WIPI2: variants seen among roughly 807,000 people sequenced by gnomAD.
WIPI2 encodes the protein WD repeat domain, phosphoinositide interacting 2.
A neutral mutation model predicts 52.3 loss-of-function variants in WIPI2; 28 were observed. That is an observed-to-expected ratio of 0.54 (90% CI 0.40 to 0.73). The LOEUF (loss-of-function observed/expected upper bound fraction) is 0.73, where lower values mean the gene tolerates loss of function less well. Ranked by LOEUF, WIPI2 falls within the 30% of genes least tolerant of loss-of-function variation. The pLI, the probability that WIPI2 is intolerant of heterozygous loss-of-function variation, is 0.00. For missense variants in WIPI2, 506 were observed against 602.9 expected (o/e 0.84, Z 1.68); for synonymous variants, 268 against 245.0 (o/e 1.09, Z -0.88).
rs758941327 is a variant in WIPI2 at position 5,216,557 on chromosome 7, G to T, written c.382-6G>T. 1.9e-6 allele frequency: 3 copies of T among 1,613,824 alleles called. No homozygotes were observed. The highest frequency in any genetic ancestry group is 1.1e-5 in the South Asian group (1 of 91,088). On this transcript the variant is annotated splice_region_variant and splice_polypyrimidine_tract_variant and intron_variant, in intron 4 of 12. Transcript: ENST00000288828. ...CACGTTTGGTTTCGTTTTGTCTCTC[G>T]CCTAGAGGCTGATAGTATGCCTGGA...
rs373561383 is a variant in WIPI2, at chr7:5,227,142, G to A, written c.849-38G>A. The stretch of plus-strand genomic sequence containing the variant: ...TAGGGGGTGGCCGTCCCCCCAGGGA[G>A]GGTGCAGCTTCATGTGTCTGGTGGC... On this transcript the variant is annotated intron_variant, in intron 9 of 12. Transcript: ENST00000288828. This position sits in a 1 kb window ranked among gnomAD's most constrained non-coding sequence, Gnocchi z 8.1. 1.2e-5 allele frequency: 19 copies of A among 1,611,842 alleles called. No individual in the cohort carries two copies. In the Middle Eastern group the frequency reaches 8.2e-4, roughly 70 times the overall value.
intron 8 of WIPI2, chr7:5,222,887 C>T (rs1783213294): frequency 6.2e-6 from 3 of 486,078 alleles, no homozygotes; most frequent in Non-Finnish European, 1.1e-5. Context: ...TGCGATCCCA[C>T]CAGCTAGCGT....
rs1027144811 is a variant in WIPI2, at chr7:5,198,563, C to G, written c.129-1013C>G. 4.6e-5 allele frequency among the ~76,000 whole-genome samples: 7 copies of G among 152,282 alleles called. No homozygotes were observed. The South Asian group carries it at 1.4e-3, about 32-fold the overall frequency. On this transcript the variant is annotated intron_variant, in intron 2 of 12. Transcript: ENST00000288828. Reference sequence around the variant, plus strand: ...TCCTGACCTCAAGTAATCTGCCCGCCTCAGCCTTCCAAAGTGCTGGGATTA... The same window carrying G: ...TCCTGACCTCAAGTAATCTGCCCGCGTCAGCCTTCCAAAGTGCTGGGATTA...
At chr7:5,202,742 A>G (rs928327347) in intron 3 of WIPI2, among the ~76,000 whole-genome samples, 1 of 152,098 alleles carries the variant, frequency 6.6e-6, no homozygotes, top group Non-Finnish European at 1.5e-5. Flanking sequence ...GGCCTCTCAT[A>G]TGATCATTTT....
intron 3 of WIPI2, among the ~76,000 whole-genome samples, chr7:5,211,395 C>T (rs913282108): frequency 6.6e-6 from 1 of 152,196 alleles, no homozygotes; most frequent in Admixed American, 6.5e-5. Context: ...TTGCTTGAAC[C>T]CGGAAGGCAG....
At chr7:5,211,496 A>G (rs1470265924) in intron 3 of WIPI2, among the ~76,000 whole-genome samples, 6 of 152,274 alleles carry the variant, frequency 3.9e-5, no homozygotes, top group African/African-American at 1.4e-4. Context: ...CCCACTTCGC[A>G]TGTGTCTACG....
At chr7:5,196,087 C>T (rs1487023476) in intron 2 of WIPI2, among the ~76,000 whole-genome samples, 1 of 151,544 alleles carries the variant, frequency 6.6e-6, no homozygotes. Context: ...CACCTGTAAT[C>T]CCAGCACTTT....
rs138529175 is a variant in WIPI2 at position 5,227,275 on chromosome 7, A to G, written c.944A>G (p.Asn315Ser). Residue 315 changes from asparagine to serine, a missense_variant, in exon 10 of 13, where the codon AAC becomes AGC. Asn to Ser is a conservative substitution (Grantham distance 46). Transcript: ENST00000288828. This position sits in a 1 kb window ranked among gnomAD's most constrained non-coding sequence, Gnocchi z 8.1. ...CCTTCCCAAGTGACAGAAATGTTCA[A>G]CCAGGGCAGAGCCTTCGCCACGGTC... ...YLPSQVTEMFNQGRAFATVRL... is the reference protein window; with the variant it reads ...YLPSQVTEMFSQGRAFATVRL... 246 of 1,613,722 alleles carry G rather than the reference A, an allele frequency of 1.5e-4. No individual in the cohort carries two copies. Among genetic ancestry groups the G allele is most frequent in the Non-Finnish European group, 2.0e-4 (235 of 1,180,034 alleles).
At chr7:5,210,259 T>A (rs1370025039) in intron 3 of WIPI2, among the ~76,000 whole-genome samples, 1 of 152,184 alleles carries the variant, frequency 6.6e-6, no homozygotes, top group Non-Finnish European at 1.5e-5. Context: ...CACTTCTCAT[T>A]CTCTTTCATG....
At chr7:5,217,720 G>T in intron 6 of WIPI2, 1 of 606,262 alleles carries the variant, frequency 1.6e-6, no homozygotes, top group East Asian at 2.8e-5. Context: ...AAAACCTTAG[G>T]GATAAATTGC....
intron 6 of WIPI2, chr7:5,217,552 C>T (rs186916571): frequency 2.0e-5 from 8 of 397,354 alleles, no homozygotes; most frequent in Non-Finnish European, 2.8e-5. Context: ...CCGCCTCGGC[C>T]CCCTAAAGTG....
chr7:5,191,590 A>G (rs1044006831), intron 1 of WIPI2, among the ~76,000 whole-genome samples: 1 of 152,246 alleles, frequency 6.6e-6, no homozygotes. Context: ...GGGATGGTTA[A>G]TAGATGAGCG....
chr7:5,224,035 C>T (rs1334125752), intron 8 of WIPI2, among the ~76,000 whole-genome samples: 1 of 152,258 alleles, frequency 6.6e-6, no homozygotes, highest in South Asian at 2.1e-4. Flanking sequence ...TCACACCCCA[C>T]CTGACATCTC....
In WIPI2 at chr7:5,190,249, C is replaced by T. The variant is rs914985189; in HGVS notation, c.-171C>T. On this transcript the variant is annotated 5_prime_UTR_variant, in exon 1 of 13. Transcript: ENST00000288828. ...CGCGCAGGCGTACCGGGTGCCCCGGCTCTGGAGCATAAACAAGAGCGGGGA... is the reference window on the plus strand; with the variant it reads ...CGCGCAGGCGTACCGGGTGCCCCGGTTCTGGAGCATAAACAAGAGCGGGGA... 8.8e-6 allele frequency: 3 copies of T among 338,996 alleles called. No homozygotes were observed. Among genetic ancestry groups the T allele is most frequent in the African/African-American group, 4.4e-5 (2 of 45,766 alleles). The allele number at this position is 338,996 out of a possible 1,614,324, so 21.0% of individuals were successfully genotyped here.
At chr7:5,205,539 T>G (rs1307415633) in intron 3 of WIPI2, among the ~76,000 whole-genome samples, 1 of 152,166 alleles carries the variant, frequency 6.6e-6, no homozygotes, top group Non-Finnish European at 1.5e-5. Context: ...CTGTCCTGCC[T>G]CTGCTGCTGC....
chr7:5,222,450 A>C, intron 7 of WIPI2, 152 bp from the exon 8 acceptor site: 3 of 757,106 alleles, frequency 4.0e-6, no homozygotes, highest in Non-Finnish European at 6.9e-6. Flanking sequence ...ATGATGTTCA[A>C]GGGGGGCCCT....
chr7:5,224,161 C>T (rs1177440435), intron 8 of WIPI2, among the ~76,000 whole-genome samples: 1 of 152,250 alleles, frequency 6.6e-6, no homozygotes, highest in Admixed American at 6.5e-5. Flanking sequence ...TGTCCTGGCT[C>T]CAGCAGTACC....
intron 3 of WIPI2, among the ~76,000 whole-genome samples, chr7:5,209,654 A>T (rs181020101): frequency 3.3e-5 from 5 of 152,236 alleles, no homozygotes; most frequent in Admixed American, 2.6e-4. Flanking sequence ...TCCCACCTCC[A>T]TCCCATCACA....
At chr7:5,206,314 G>A (rs1375297359) in intron 3 of WIPI2, among the ~76,000 whole-genome samples, 1 of 152,170 alleles carries the variant, frequency 6.6e-6, no homozygotes, top group Non-Finnish European at 1.5e-5. Flanking sequence ...CATTTAGGGT[G>A]AATGTCAGAA....
Sources: allele counts gnomAD v4.1 joint callset (sites outside exome capture counted in the v4.1 genomes callset), GRCh38; gene constraint gnomAD v4.1.1; non-coding constraint Gnocchi (gnomAD v3.1); transcripts MANE v1.5; gene names NCBI Gene and HGNC (gene_info 2026-07-23, HGNC 2026-07-21).